Variants in PTER observed in about 807,000 individuals in gnomAD.
The protein encoded by PTER is phosphotriesterase related.
Under a neutral mutation model 29.6 loss-of-function variants are expected in PTER, and 38 were observed. The observed-to-expected ratio is 1.28, with a 90% CI of 0.99 to 1.68. The LOEUF is 1.68. Among genes scored for constraint, PTER ranks in the 40% most tolerant of loss-of-function variants. The pLI, the probability that PTER is intolerant of heterozygous loss-of-function variation, is 0.00. For synonymous variants in PTER, 172 were observed against 154.5 expected (o/e 1.11, Z -0.84); for missense variants, 482 against 427.8 (o/e 1.13, Z -1.12).
intron 1 of PTER, among the ~76,000 whole-genome samples, chr10:16,458,331 C>A (rs896281587): frequency 6.6e-6 from 1 of 152,060 alleles, no homozygotes; most frequent in South Asian, 2.1e-4. Context: ...TATGCTAATA[C>A]TATTAAAATG....
At chr10:16,495,883 T>C (rs1249391836) in intron 3 of PTER, among the ~76,000 whole-genome samples, 1 of 152,238 alleles carries the variant, frequency 6.6e-6, no homozygotes, top group African/African-American at 2.4e-5. Context: ...ATACGTGACA[T>C]AATTATTTCA....
chr10:16,452,759 T>C (rs190512191), intron 1 of PTER, among the ~76,000 whole-genome samples: 1 of 151,798 alleles, frequency 6.6e-6, no homozygotes, highest in East Asian at 1.9e-4. Flanking sequence ...TTATTATTAT[T>C]GTTATTATTT....
rs183863678 is a variant in PTER at position 16,503,031 on chromosome 10, C to T, written c.699-1989C>T. Among the ~76,000 whole-genome samples the T allele has an allele frequency of 3.6e-4, 53 of 146,388 alleles. 1 individual carries two copies. Among genetic ancestry groups the T allele is most frequent in the Non-Finnish European group, 3.6e-4 (24 of 66,866 alleles). On this transcript the variant is annotated intron_variant, in intron 3 of 4. Coordinates refer to ENST00000535784, the MANE Select transcript of PTER (RefSeq NM_001261836.2). The stretch of plus-strand genomic sequence containing the variant: ...AAAAATCTCTGAAAATACTTCTGAC[C>T]TCTTAGAAGTAGATTCATGGACACA...
intron 1 of PTER, among the ~76,000 whole-genome samples, chr10:16,483,634 G>C (rs1395578491): frequency 2.0e-5 from 3 of 152,150 alleles, no homozygotes; most frequent in Non-Finnish European, 4.4e-5. Flanking sequence ...GATCACCTGA[G>C]GTCAGGAGTT....
intron 1 of PTER, among the ~76,000 whole-genome samples, chr10:16,445,574 G>C (rs1458070902): frequency 2.0e-5 from 3 of 152,150 alleles, no homozygotes; most frequent in African/African-American, 7.2e-5. Context: ...CTTTCTCCCA[G>C]TTAGCATTTC....
chr10:16,448,918 AT>A (rs1289588733), intron 1 of PTER, among the ~76,000 whole-genome samples: 2 of 152,172 alleles, frequency 1.3e-5, no homozygotes, highest in African/African-American at 4.8e-5. Flanking sequence ...GTACCAGGAG[AT>A]TTATTAATTT....
intron 3 of PTER, among the ~76,000 whole-genome samples, chr10:16,488,027 G>A (rs892420622): frequency 7.2e-5 from 11 of 152,148 alleles, no homozygotes; most frequent in Non-Finnish European, 4.4e-5. Context: ...GTGAAATCAT[G>A]TGCAGGAAAT....
At chr10:16,484,075 TC>T (rs1456724200) in intron 1 of PTER, among the ~76,000 whole-genome samples, 1 of 152,076 alleles carries the variant, frequency 6.6e-6, no homozygotes, top group Admixed American at 6.6e-5. Flanking sequence ...AAAGAATATT[TC>T]CAGTAGATAA....
intron 1 of PTER, among the ~76,000 whole-genome samples, chr10:16,474,000 G>C (rs193208555): frequency 6.6e-6 from 1 of 152,128 alleles, no homozygotes. Flanking sequence ...GGCAGATCAC[G>C]AGGTCAGGAG....
rs1027940694 is a variant in PTER at position 16,463,587 on chromosome 10, T to G, written c.-48-20750T>G. Among the ~76,000 whole-genome samples, 2 of 152,136 alleles carry G rather than the reference T, an allele frequency of 1.3e-5. 1 individual carries two copies. Among genetic ancestry groups the G allele is most frequent in the African/African-American group, 4.8e-5 (2 of 41,422 alleles). ...GGTGCCACCATGCCCGGCTAATTTT[T>G]GTATTTTTAGTAGAGACACGGTTTC... is the stretch of plus-strand genomic sequence containing the variant. On this transcript the variant is annotated intron_variant, in intron 1 of 4. Transcript: ENST00000535784.
chr10:16,495,315 C>A (rs991853756), intron 3 of PTER, among the ~76,000 whole-genome samples: 1 of 152,034 alleles, frequency 6.6e-6, no homozygotes, highest in Non-Finnish European at 1.5e-5. Flanking sequence ...AGATTACAAG[C>A]GTGCACTACC....
intron 1 of PTER, among the ~76,000 whole-genome samples, chr10:16,445,664 A>G (rs186825711): frequency 1.6e-4 from 25 of 152,282 alleles, no homozygotes; most frequent in Non-Finnish European, 3.4e-4. Context: ...TCCGGTGAAC[A>G]CAGAAACTTA....
chr10:16,485,196 T>C (rs1158907930), intron 2 of PTER, among the ~76,000 whole-genome samples: 1 of 152,200 alleles, frequency 6.6e-6, no homozygotes, highest in African/African-American at 2.4e-5. Context: ...TCGATTTTTT[T>C]TCACCCTGGA....
chr10:16,466,216 G>A (rs1686371), intron 1 of PTER, among the ~76,000 whole-genome samples: 1 of 152,112 alleles, frequency 6.6e-6, no homozygotes, highest in Admixed American at 6.6e-5. Flanking sequence ...CAGCAGACCA[G>A]AGCAAGGCAA....
At chr10:16,480,409 TG>T (rs989777123) in intron 1 of PTER, among the ~76,000 whole-genome samples, 5 of 152,028 alleles carry the variant, frequency 3.3e-5, no homozygotes, top group African/African-American at 1.2e-4. Context: ...CTGGCCAGGC[TG>T]GTCTCGAACT....
At chr10:16,507,614 A>G (rs1016420122) in intron 4 of PTER, among the ~76,000 whole-genome samples, 1 of 152,300 alleles carries the variant, frequency 6.6e-6, no homozygotes, top group African/African-American at 2.4e-5. Flanking sequence ...GTCTCCAAGT[A>G]CTGGCATTCT....
rs1429974358 is a variant in PTER at position 16,511,451 on chromosome 10, T to C, written c.*195T>C. 2 of 582,258 alleles carry C rather than the reference T, an allele frequency of 3.4e-6. No homozygotes were observed. The highest frequency in any genetic ancestry group is 3.0e-5 in the Admixed American group (1 of 33,618). 36.1% of individuals were successfully genotyped at this position (582,258 alleles called of 1,614,324 possible). ...GCCTCTAGGGAGTTACTCAGCCTAA[T>C]TGAGCCCTATTATTTTAACTTAACA... On this transcript the variant is annotated 3_prime_UTR_variant, in exon 5 of 5. Coordinates refer to ENST00000535784, the MANE Select transcript of PTER (RefSeq NM_001261836.2).
intron 3 of PTER, among the ~76,000 whole-genome samples, chr10:16,501,469 A>G (rs1836347605): frequency 6.6e-6 from 1 of 152,142 alleles, no homozygotes; most frequent in Non-Finnish European, 1.5e-5. Context: ...ATTGTCTAAA[A>G]TAACTGTAAA....
chr10:16,514,360 A>G (rs745548956), downstream of PTER: 17 of 600,430 alleles, frequency 2.8e-5, no homozygotes, highest in South Asian at 6.5e-5. Context: ...TATTTTTTAC[A>G]TAATGTTTCT....
Sources: allele counts gnomAD v4.1 joint callset (sites outside exome capture counted in the v4.1 genomes callset), GRCh38; gene constraint gnomAD v4.1.1; transcripts MANE v1.5; gene names NCBI Gene and HGNC (gene_info 2026-07-23, HGNC 2026-07-21).